Variants in NEMF observed in about 807,000 individuals in gnomAD.
NEMF encodes the protein nuclear export mediator factor.
Under a neutral mutation model 162.2 loss-of-function variants are expected in NEMF, and 89 were observed. The ratio of observed to expected loss-of-function variants is 0.55; its 90% CI spans 0.46 to 0.65. The LOEUF (loss-of-function observed/expected upper bound fraction) is 0.65. Ranked by LOEUF, NEMF falls within the 30% of genes least tolerant of loss-of-function variation. NEMF has a pLI of 0.00. For synonymous variants in NEMF, 421 were observed against 404.5 expected, an observed-to-expected ratio of 1.04 and a Z score of -0.49; for missense variants, 1,133 against 1,261.9, an observed-to-expected ratio of 0.90 and a Z score of 1.55.
At position 49,786,743 on chromosome 14, in the gene NEMF, T is replaced by C; in HGVS notation, c.2903A>G (p.Gln968Arg). The C allele has an allele frequency of 6.2e-7, 1 of 1,613,406 alleles. No individual in the cohort carries two copies. The highest frequency in any genetic ancestry group is 1.1e-5 in the South Asian group (1 of 91,056). Residue 968 changes from glutamine (Q) to arginine (R), a missense_variant, in exon 29 of 33, where the codon CAA becomes CGA. Around this residue, in one of 3 missense-constraint regions of NEMF, gnomAD observed 532 missense variants for 578.6 expected, o/e 0.92. Transcript: ENST00000298310. ...CTCATTTCCCTGTTGATCCAGATCT[T>C]GCTCTTCCTGTTCCGAACATATAAA... is the stretch of plus-strand genomic sequence containing the variant. Reference protein sequence around the residue: ...VDDPHDDKEEQDLDQQGNEEN... With the variant: ...VDDPHDDKEERDLDQQGNEEN...
At chr14:49,837,626 T>C (rs3100901) in intron 6 of NEMF, among the ~76,000 whole-genome samples, 117,565 of 152,032 alleles carry the variant, frequency 0.77, 45,930 homozygotes, top group East Asian at 0.98. Flanking sequence ...CTTTCTAATT[T>C]CATAAGAGAG....
chr14:49,836,153 C>T (rs1200281900), intron 6 of NEMF, among the ~76,000 whole-genome samples: 1 of 152,150 alleles, frequency 6.6e-6, no homozygotes, highest in Non-Finnish European at 1.5e-5. Context: ...GTGGCATACA[C>T]TTGTAATCCC....
intron 4 of NEMF, among the ~76,000 whole-genome samples, chr14:49,842,911 C>G (rs1436143043): frequency 6.6e-6 from 1 of 151,926 alleles, no homozygotes; most frequent in African/African-American, 2.4e-5. Context: ...GAGGCTAAGG[C>G]AGGAGAATCG....
In NEMF at chr14:49,783,242, CATT is replaced by C. The variant is rs904397873; in HGVS notation, c.*1391_*1393del. On this transcript the variant is annotated 3_prime_UTR_variant, in exon 33 of 33. Transcript: ENST00000298310. ...ACTTCAGGATATGTATCTGTAGAAACATTATAGTCTTACCATCATCAAAATGCT... is the reference window on the plus strand; with the variant it reads ...ACTTCAGGATATGTATCTGTAGAAACATAGTCTTACCATCATCAAAATGCT... 23 of 228,742 alleles carry C rather than the reference CATT, an allele frequency of 1.0e-4. No individual in the cohort carries two copies. Among genetic ancestry groups the C allele is most frequent in the Non-Finnish European group, 1.3e-4 (15 of 119,238 alleles). The allele number at this position is 228,742 out of a possible 1,614,324, so 14.2% of individuals were successfully genotyped here. A position where few individuals can be genotyped will look rare whatever the true frequency, so the allele number is the denominator to read the frequency against.
chr14:49,786,877 G>T, intron 28 of NEMF, 127 bp from the exon 29 acceptor site: 2 of 782,312 alleles, frequency 2.6e-6, no homozygotes, highest in Non-Finnish European at 4.1e-6. Context: ...CAGGATAGGG[G>T]GCCTCAAGGT....
intron 3 of NEMF, among the ~76,000 whole-genome samples, chr14:49,850,626 C>T (rs544767783): frequency 1.3e-5 from 2 of 151,580 alleles, no homozygotes; most frequent in African/African-American, 2.4e-5. Flanking sequence ...GGTAGCATGC[C>T]CACCCATGTA....
intron 16 of NEMF, among the ~76,000 whole-genome samples, chr14:49,825,087 A>G (rs1330200162): frequency 6.6e-6 from 1 of 152,232 alleles, no homozygotes; most frequent in Non-Finnish European, 1.5e-5. Flanking sequence ...ATGACAATTA[A>G]TAACTCCAGG....
At chr14:49,786,416 A>G (rs973267098) in intron 29 of NEMF, 2 of 327,774 alleles carry the variant, frequency 6.1e-6, no homozygotes, top group Non-Finnish European at 5.6e-6. Context: ...TTAATATTTG[A>G]GTGTTTGCTA....
intron 26 of NEMF, among the ~76,000 whole-genome samples, chr14:49,791,207 T>TACAC (rs1890431271): frequency 6.6e-6 from 1 of 151,678 alleles, no homozygotes; most frequent in Non-Finnish European, 1.5e-5. Flanking sequence ...TGGTGGCGTG[T>TACAC]GCCTGTAGTG....
chr14:49,791,234 C>A (rs914005712), intron 26 of NEMF, among the ~76,000 whole-genome samples: 2 of 152,000 alleles, frequency 1.3e-5, no homozygotes, highest in African/African-American at 4.8e-5. Flanking sequence ...ACTCAGGAGG[C>A]TGAAGCAGGA....
intron 6 of NEMF, 55 bp from the exon 7 acceptor site, chr14:49,834,504 T>A (rs1300639194): frequency 7.6e-7 from 1 of 1,323,390 alleles, no homozygotes; most frequent in Non-Finnish European, 1.1e-6. Context: ...CTTTTTTGTT[T>A]TTGTTTTTTG....
At chr14:49,803,945 T>C (rs950070943) in intron 19 of NEMF, among the ~76,000 whole-genome samples, 2 of 152,026 alleles carry the variant, frequency 1.3e-5, no homozygotes, top group Non-Finnish European at 2.9e-5. Flanking sequence ...TTTACTAAAA[T>C]AAAGCTCTAT....
intron 25 of NEMF, 74 bp downstream of exon 25, chr14:49,799,401 C>A: frequency 8.1e-7 from 1 of 1,231,422 alleles, no homozygotes; most frequent in South Asian, 1.4e-5. Flanking sequence ...GCTAAGTAAT[C>A]TGTGGTAGCT....
At chr14:49,799,207 CAAAAAAAAAAA>C (rs780442972) in intron 25 of NEMF, among the ~76,000 whole-genome samples, 99 of 59,066 alleles carry the variant, frequency 1.7e-3, no homozygotes, top group Middle Eastern at 0.023. Flanking sequence ...GACCCTGTTT[CAAAAAAAAAAA>C]AAAAAAAAAA....
intron 6 of NEMF, among the ~76,000 whole-genome samples, chr14:49,837,137 G>A (rs151216966): frequency 0.01 from 1,577 of 152,204 alleles, 14 homozygotes; most frequent in Non-Finnish European, 0.015. Context: ...TTAGCTGAGC[G>A]TGGTGGCATG....
intron 26 of NEMF, among the ~76,000 whole-genome samples, chr14:49,794,127 T>C (rs939625027): frequency 1.7e-4 from 26 of 152,234 alleles, no homozygotes; most frequent in African/African-American, 6.0e-4. Context: ...CTCATTTTTT[T>C]CTGTCTAGCT....
chr14:49,782,770 G>GTGA lies in NEMF; in HGVS notation c.*1863_*1865dup. 6.4e-7 allele frequency: 1 copy of GTGA among 1,566,512 alleles called. No homozygotes were observed. Among genetic ancestry groups the GTGA allele is most frequent in the South Asian group, 1.2e-5 (1 of 84,916 alleles). On this transcript the variant is annotated 3_prime_UTR_variant, in exon 33 of 33. Transcript: ENST00000298310. ...AGGGATGTTTTATGTAGTTTTTCAA[G>GTGA]TGAATGTACTTCCAAACAGTAAAGT...
intron 12 of NEMF, 37 bp downstream of exon 12, chr14:49,829,312 A>C: frequency 6.2e-7 from 1 of 1,613,660 alleles, no homozygotes. Flanking sequence ...TAAAGTTAAC[A>C]TTTTTGAAAA....
intron 7 of NEMF, chr14:49,834,099 G>T: frequency 3.6e-6 from 2 of 549,052 alleles, no homozygotes; most frequent in South Asian, 3.2e-5. Flanking sequence ...TGTTTTTGTG[G>T]GGTTTTTTGA....
Sources: gnomAD v4.1 joint callset for allele counts (sites outside exome capture counted in the v4.1 genomes callset) on GRCh38, gnomAD v4.1.1 for gene constraint, gnomAD v4.1.1 regional missense constraint, MANE v1.5 for transcripts, NCBI Gene and HGNC (gene_info 2026-07-23, HGNC 2026-07-21) for gene names.